Variants in PRMT8 observed in about 807,000 individuals in gnomAD.
PRMT8 encodes the protein protein arginine methyltransferase 8, also known as protein arginine N-methyltransferase 8.
A neutral mutation model predicts 47.1 loss-of-function variants in PRMT8; 7 were observed. The ratio of observed to expected loss-of-function variants is 0.15; its 90% CI spans 0.08 to 0.28. The LOEUF (loss-of-function observed/expected upper bound fraction) is 0.28, where lower values mean the gene tolerates loss of function less well. PRMT8 is among the 10% of genes least tolerant of loss of function. PRMT8 has a pLI of 1.00. For synonymous variants in PRMT8, 188 were observed against 186.5 expected, an observed-to-expected ratio of 1.01 and a Z score of -0.07; for missense variants, 237 against 505.4, an observed-to-expected ratio of 0.47 and a Z score of 5.09.
chr12:3,565,238 G>C (rs1320873553), intron 4 of PRMT8, among the ~76,000 whole-genome samples: 1 of 151,896 alleles, frequency 6.6e-6, no homozygotes, highest in East Asian at 1.9e-4. Context: ...GCACTGCAAA[G>C]AATTTCAGAT....
intron 1 of PRMT8, among the ~76,000 whole-genome samples, chr12:3,451,175 T>G (rs1223760868): frequency 3.4e-4 from 51 of 151,754 alleles, no homozygotes; most frequent in Admixed American, 3.4e-3. Flanking sequence ...GCACAGGAGC[T>G]CTATTTATGT....
intron 1 of PRMT8, among the ~76,000 whole-genome samples, chr12:3,399,625 G>A (rs1396156205): frequency 6.6e-6 from 1 of 152,108 alleles, no homozygotes; most frequent in Admixed American, 6.5e-5. Context: ...AGTCAATATC[G>A]TGAATTGTGC....
Position 3,538,180 on chromosome 12 carries a change from T to C in PRMT8, c.76-2426T>C, listed in dbSNP as rs986671889. On this transcript the variant is annotated intron_variant, in intron 1 of 9. Coordinates refer to ENST00000382622, the MANE Select transcript of PRMT8 (RefSeq NM_019854.5). This position sits in a 1 kb window ranked among gnomAD's most constrained non-coding sequence, Gnocchi z 4.6. ...TCCCACCTCACCCCACCTCCTGCTA[T>C]CCCAGGGCTTCCTGACTCTCTGCAT... 6.5e-6 allele frequency: 1 copy of C among 153,232 alleles called. No individual in the cohort carries two copies. The highest frequency in any genetic ancestry group is 2.4e-5 in the African/African-American group (1 of 41,464). The allele number at this position is 153,232 out of a possible 1,614,324, so 9.5% of individuals were successfully genotyped here. A position where few individuals can be genotyped will look rare whatever the true frequency, so the allele number is the denominator to read the frequency against.
intron 4 of PRMT8, among the ~76,000 whole-genome samples, chr12:3,565,435 G>C (rs1034837622): frequency 2.6e-5 from 4 of 152,298 alleles, no homozygotes; most frequent in Non-Finnish European, 5.9e-5. Context: ...AGCCAGTCCA[G>C]CACTGGATTG....
chr12:3,533,643 A>G (rs537005561), intron 1 of PRMT8, among the ~76,000 whole-genome samples: 1 of 152,158 alleles, frequency 6.6e-6, no homozygotes, highest in Admixed American at 6.5e-5. Flanking sequence ...AGCACAGTAC[A>G]CCCCTCTGAG....
At chr12:3,441,668 C>A (rs1864804081) in intron 1 of PRMT8, among the ~76,000 whole-genome samples, 1 of 152,224 alleles carries the variant, frequency 6.6e-6, no homozygotes. Context: ...AGGAGTCACT[C>A]ACAAAGCACT....
At chr12:3,477,559 A>C (rs1865225687) in intron 1 of PRMT8, among the ~76,000 whole-genome samples, 1 of 152,222 alleles carries the variant, frequency 6.6e-6, no homozygotes, top group Non-Finnish European at 1.5e-5. Flanking sequence ...CTTCTGATAG[A>C]GATTTTTAAA....
At position 3,569,380 on chromosome 12, in the gene PRMT8, G is replaced by C. The variant is rs1251181429; in HGVS notation, c.625-97G>C. 2.0e-6 allele frequency: 2 copies of C among 989,068 alleles called. No homozygotes were observed. The highest frequency in any genetic ancestry group is 1.7e-5 in the Admixed American group (1 of 57,630). The allele number at this position is 989,068 out of a possible 1,614,324, so 61.3% of individuals were successfully genotyped here. A position where few individuals can be genotyped will look rare whatever the true frequency, so the allele number is the denominator to read the frequency against. Reference sequence around the variant, plus strand: ...CCACTGCATGAGAGATGGTGGCAAGGGGGTGCTTGTCTGGTGACTCTATGT... The same window carrying C: ...CCACTGCATGAGAGATGGTGGCAAGCGGGTGCTTGTCTGGTGACTCTATGT... On this transcript the variant is annotated intron_variant, in intron 5 of 9. Transcript: ENST00000382622. The surrounding 1 kb of genome is among the most constrained non-coding windows in gnomAD (Gnocchi z 8.2).
intron 2 of PRMT8, 140 bp from the exon 3 acceptor site, chr12:3,549,796 T>G (rs1171757340): frequency 1.1e-6 from 1 of 904,402 alleles, no homozygotes; most frequent in Non-Finnish European, 1.7e-6. Context: ...CTACCCCAGT[T>G]TTGTCCTCTG....
At chr12:3,444,543 T>A (rs765478093) in intron 1 of PRMT8, among the ~76,000 whole-genome samples, 1 of 152,258 alleles carries the variant, frequency 6.6e-6, no homozygotes, top group African/African-American at 2.4e-5. Flanking sequence ...AGGCATGTTT[T>A]GTGATCAGCA....
intron 1 of PRMT8, among the ~76,000 whole-genome samples, chr12:3,415,149 G>A (rs896126560): frequency 6.6e-6 from 1 of 151,998 alleles, no homozygotes; most frequent in Non-Finnish European, 1.5e-5. Context: ...AGAACTCAGG[G>A]AAACACTTAC....
intron 7 of PRMT8, among the ~76,000 whole-genome samples, chr12:3,582,272 C>G (rs568039211): frequency 6.6e-6 from 1 of 152,220 alleles, no homozygotes; most frequent in Non-Finnish European, 1.5e-5. Flanking sequence ...GCTCCCCATG[C>G]GAGATTGATT....
chr12:3,574,367 C>T (rs960395424), intron 6 of PRMT8, among the ~76,000 whole-genome samples: 5 of 152,268 alleles, frequency 3.3e-5, no homozygotes, highest in Admixed American at 2.6e-4. Flanking sequence ...AACTCCAGCT[C>T]CCTGGCTCTC....
intron 4 of PRMT8, among the ~76,000 whole-genome samples, chr12:3,559,626 T>C (rs1462811309): frequency 6.6e-6 from 1 of 152,234 alleles, no homozygotes; most frequent in Non-Finnish European, 1.5e-5. Context: ...ACTCTTATTA[T>C]TGGTAATATG....
chr12:3,385,892 C>T (rs187833582), intron 1 of PRMT8, among the ~76,000 whole-genome samples: 5 of 145,914 alleles, frequency 3.4e-5, no homozygotes, highest in Admixed American at 1.4e-4. Context: ...ACTGACTCTC[C>T]GTTCTTTTGT....
intron 1 of PRMT8, among the ~76,000 whole-genome samples, chr12:3,437,418 G>A (rs1485765067): frequency 6.6e-6 from 1 of 151,506 alleles, no homozygotes; most frequent in African/African-American, 2.4e-5. Flanking sequence ...TTGTTATATA[G>A]GTACATTGTG....
At chr12:3,402,779 T>C (rs1205388737) in intron 1 of PRMT8, among the ~76,000 whole-genome samples, 1 of 152,144 alleles carries the variant, frequency 6.6e-6, no homozygotes, top group Non-Finnish European at 1.5e-5. Context: ...TACCATCTCA[T>C]GCCAGTCAGA....
At chr12:3,399,827 G>T (rs1207909182) in intron 1 of PRMT8, among the ~76,000 whole-genome samples, 5 of 152,176 alleles carry the variant, frequency 3.3e-5, no homozygotes, top group Admixed American at 6.5e-5. Context: ...ATAATACAAG[G>T]ATTTGGGGAA....
chr12:3,577,698 G>C (rs762349311), intron 7 of PRMT8, among the ~76,000 whole-genome samples: 2 of 151,968 alleles, frequency 1.3e-5, no homozygotes, highest in Non-Finnish European at 2.9e-5. Context: ...TAGCTCATTA[G>C]CTATCATTAG....
Sources: allele counts gnomAD v4.1 joint callset (sites outside exome capture counted in the v4.1 genomes callset), GRCh38; gene constraint gnomAD v4.1.1; non-coding constraint Gnocchi (gnomAD v3.1); transcripts MANE v1.5; gene names NCBI Gene and HGNC (gene_info 2026-07-23, HGNC 2026-07-21).